CNTNAP2: variants seen among roughly 807,000 people sequenced by gnomAD.
CNTNAP2 encodes contactin-associated protein-like 2.
A neutral mutation model predicts 155.2 loss-of-function variants in CNTNAP2; 98 were observed. The observed-to-expected ratio is 0.63, with a 90% CI of 0.54 to 0.75. The LOEUF is 0.75. CNTNAP2 is among the 30% of genes least tolerant of loss of function. The pLI, the probability that CNTNAP2 is intolerant of heterozygous loss-of-function variation, is 0.00. For missense variants in CNTNAP2, 1,727 were observed against 1,688.1 expected, an observed-to-expected ratio of 1.02 and a Z score of -0.40; for synonymous variants, 651 against 631.2, an observed-to-expected ratio of 1.03 and a Z score of -0.47.
chr7:146,536,653 A>G (rs987867889), intron 1 of CNTNAP2, among the ~76,000 whole-genome samples: 4 of 151,204 alleles, frequency 2.6e-5, no homozygotes, highest in African/African-American at 9.8e-5. Flanking sequence ...AAACTAATGC[A>G]TCTAGAGCAG....
chr7:147,745,774 CA>C (rs1797030948), intron 13 of CNTNAP2, among the ~76,000 whole-genome samples: 1 of 152,180 alleles, frequency 6.6e-6, no homozygotes, highest in Admixed American at 6.5e-5. Flanking sequence ...TAAAGGAGGT[CA>C]GGGGCATGCA....
Position 147,525,219 on chromosome 7 carries a change from A to T in CNTNAP2, c.1778-36919A>T, listed in dbSNP as rs1021428698. Among the ~76,000 whole-genome samples, 12 of 152,360 alleles carry T rather than the reference A, an allele frequency of 7.9e-5. No individual in the cohort carries two copies. In the South Asian group the frequency reaches 1.2e-3, roughly 16 times the overall value. On this transcript the variant is annotated intron_variant, in intron 11 of 23. Transcript: ENST00000361727. ...AGAAACATGTCTTTGTTATAATAAT[A>T]TTGTTGATGTCAAAGAAACACAGAG...
chr7:146,410,256 A>G (rs938106821), intron 1 of CNTNAP2, among the ~76,000 whole-genome samples: 7 of 151,950 alleles, frequency 4.6e-5, no homozygotes, highest in African/African-American at 1.7e-4. Flanking sequence ...TTTTATTGGA[A>G]CCCAGCCATA....
intron 3 of CNTNAP2, among the ~76,000 whole-genome samples, chr7:146,895,263 C>CCCTTCCTTCTTTCCTTCCTT (rs1477122927): frequency 1.4e-5 from 2 of 141,850 alleles, no homozygotes; most frequent in Non-Finnish European, 3.2e-5. Context: ...TACTTCCTTC[C>CCCTTCCTTCTTTCCTTCCTT]CCTTCCTTCT....
At chr7:148,032,678 A>T (rs941444385) in intron 15 of CNTNAP2, among the ~76,000 whole-genome samples, 19 of 152,200 alleles carry the variant, frequency 1.2e-4, no homozygotes, top group African/African-American at 4.3e-4. Context: ...TCTGATCAAC[A>T]GCAGCCAACC....
intron 1 of CNTNAP2, among the ~76,000 whole-genome samples, chr7:146,687,290 A>C (rs1239468028): frequency 6.6e-6 from 1 of 152,178 alleles, no homozygotes; most frequent in Non-Finnish European, 1.5e-5. Context: ...TACTAACTAA[A>C]TATGTGATCT....
chr7:148,356,068 C>A (rs988907228), intron 21 of CNTNAP2, among the ~76,000 whole-genome samples: 2 of 152,190 alleles, frequency 1.3e-5, no homozygotes, highest in Non-Finnish European at 2.9e-5. Flanking sequence ...TATGGTTACA[C>A]ACACATAGAC....
At chr7:146,203,993 CTT>C (rs1798906819) in intron 1 of CNTNAP2, among the ~76,000 whole-genome samples, 1 of 152,020 alleles carries the variant, frequency 6.6e-6, no homozygotes, top group South Asian at 2.1e-4. Flanking sequence ...ACATATATGA[CTT>C]TTCAATTATT....
intron 19 of CNTNAP2, among the ~76,000 whole-genome samples, chr7:148,223,036 A>G (rs973620612): frequency 6.6e-6 from 1 of 152,196 alleles, no homozygotes; most frequent in Non-Finnish European, 1.5e-5. Context: ...CACGGATTCA[A>G]TCTACATTCT....
At chr7:146,646,735 G>C (rs1214884690) in intron 1 of CNTNAP2, among the ~76,000 whole-genome samples, 1 of 152,102 alleles carries the variant, frequency 6.6e-6, no homozygotes, top group Non-Finnish European at 1.5e-5. Flanking sequence ...GTGGAGTCTT[G>C]AGTCATCAGT....
At chr7:147,687,761 A>G (rs982992534) in intron 13 of CNTNAP2, among the ~76,000 whole-genome samples, 1 of 152,122 alleles carries the variant, frequency 6.6e-6, no homozygotes, top group Non-Finnish European at 1.5e-5. Flanking sequence ...AGCATGAGGA[A>G]GAGAGAGAAG....
intron 13 of CNTNAP2, among the ~76,000 whole-genome samples, chr7:147,734,799 T>C (rs112574873): frequency 0.073 from 11,170 of 152,308 alleles, 485 homozygotes; most frequent in African/African-American, 0.12. Flanking sequence ...CTAGTTTGTT[T>C]GCATAGAGGT....
At chr7:146,480,687 C>CTTTTT (rs34440695) in intron 1 of CNTNAP2, among the ~76,000 whole-genome samples, 1 of 121,222 alleles carries the variant, frequency 8.2e-6, no homozygotes, top group Non-Finnish European at 1.7e-5. Context: ...TTTTTTTTTC[C>CTTTTT]TTTTTTTTTT....
chr7:148,121,180 G>A (rs1804587854), intron 16 of CNTNAP2, among the ~76,000 whole-genome samples: 1 of 151,998 alleles, frequency 6.6e-6, no homozygotes, highest in African/African-American at 2.4e-5. Flanking sequence ...GATTACAGGG[G>A]CCCGCCACCG....
chr7:147,888,008 G>T lies in CNTNAP2; in HGVS notation c.2099-15557G>T, dbSNP rs916962289. 3.9e-5 allele frequency among the ~76,000 whole-genome samples: 6 copies of T among 152,242 alleles called. No individual in the cohort carries two copies. In the East Asian group the frequency reaches 1.2e-3, roughly 29 times the overall value. ...CTCCATGTATCTGAGAAAAGCAAATGCAGATGATCTGAGAGAGACATACCT... is the reference window on the plus strand; with the variant it reads ...CTCCATGTATCTGAGAAAAGCAAATTCAGATGATCTGAGAGAGACATACCT... On this transcript the variant is annotated intron_variant, in intron 13 of 23. Coordinates refer to ENST00000361727, the MANE Select transcript of CNTNAP2 (RefSeq NM_014141.6).
At chr7:146,318,011 C>T (rs10272584) in intron 1 of CNTNAP2, among the ~76,000 whole-genome samples, 4 of 151,762 alleles carry the variant, frequency 2.6e-5, no homozygotes, top group Admixed American at 2.0e-4. Context: ...TGTGGTGGCA[C>T]GCACTTGTAG....
intron 13 of CNTNAP2, among the ~76,000 whole-genome samples, chr7:147,669,058 A>G (rs1485525310): frequency 1.3e-5 from 2 of 152,192 alleles, no homozygotes; most frequent in African/African-American, 4.8e-5. Flanking sequence ...TATCCAGTAC[A>G]GCAACACACT....
intron 11 of CNTNAP2, among the ~76,000 whole-genome samples, chr7:147,520,408 C>A (rs996164415): frequency 3.3e-5 from 5 of 152,158 alleles, no homozygotes; most frequent in African/African-American, 1.2e-4. Flanking sequence ...ATTTTGTTTA[C>A]TACCATTGCC....
intron 9 of CNTNAP2, among the ~76,000 whole-genome samples, chr7:147,307,465 T>A (rs746840496): frequency 1.3e-5 from 2 of 151,940 alleles, no homozygotes; most frequent in Non-Finnish European, 2.9e-5. Flanking sequence ...GTGCCTGTAG[T>A]CCCAGCTACT....
Sources: allele counts gnomAD v4.1 joint callset (sites outside exome capture counted in the v4.1 genomes callset), GRCh38; gene constraint gnomAD v4.1.1; transcripts MANE v1.5; gene names NCBI Gene and HGNC (gene_info 2026-07-23, HGNC 2026-07-21).